The following MOXD1 variants were observed in gnomAD, a reference collection of about 807,000 sequenced individuals.
MOXD1 encodes the protein monooxygenase DBH like 1, also known as DBH-like monooxygenase protein 1.
MOXD1 carries 62 observed loss-of-function variants against 66.6 expected under a neutral mutation model. That is an observed-to-expected ratio of 0.93 (90% CI 0.76 to 1.15). The LOEUF (loss-of-function observed/expected upper bound fraction) is 1.15, where lower values mean the gene tolerates loss of function less well. Ranked by LOEUF, MOXD1 falls within the 50% of genes most tolerant of loss-of-function variation. MOXD1 has a pLI of 0.00. For missense variants in MOXD1, 847 were observed against 754.6 expected, an observed-to-expected ratio of 1.12 and a Z score of -1.44; for synonymous variants, 303 against 281.9, an observed-to-expected ratio of 1.07 and a Z score of -0.75.
At chr6:132,377,571 T>G (rs1162675706) in intron 1 of MOXD1, among the ~76,000 whole-genome samples, 15 of 152,226 alleles carry the variant, frequency 9.9e-5, no homozygotes, top group Admixed American at 9.8e-4. Context: ...TTCAGATAAC[T>G]TAGTTATTAG....
At chr6:132,380,424 A>G (rs1290688509) in intron 1 of MOXD1, among the ~76,000 whole-genome samples, 1 of 151,646 alleles carries the variant, frequency 6.6e-6, no homozygotes, top group African/African-American at 2.4e-5. Flanking sequence ...CTTCTTCCCT[A>G]TCCCCCTACT....
At chr6:132,302,380 T>C (rs919455735) in intron 10 of MOXD1, among the ~76,000 whole-genome samples, 6 of 152,130 alleles carry the variant, frequency 3.9e-5, no homozygotes, top group African/African-American at 1.2e-4. Context: ...TCAACAAGTA[T>C]GTAAATGTGA....
chr6:132,390,774 A>C (rs541889365), intron 1 of MOXD1: 2 of 151,628 alleles, frequency 1.3e-5, no homozygotes, highest in Admixed American at 6.6e-5. Flanking sequence ...CGAGAATTGC[A>C]TGAGAACACA....
At chr6:132,345,074 A>G (rs1477243707) in intron 4 of MOXD1, among the ~76,000 whole-genome samples, 1 of 152,218 alleles carries the variant, frequency 6.6e-6, no homozygotes, top group Non-Finnish European at 1.5e-5. Flanking sequence ...GGGCAATGGG[A>G]ACAAATGAGC....
At chr6:132,303,145 T>C (rs1285494064) in intron 10 of MOXD1, among the ~76,000 whole-genome samples, 2 of 152,052 alleles carry the variant, frequency 1.3e-5, no homozygotes, top group African/African-American at 4.8e-5. Flanking sequence ...TTAAGCAGGA[T>C]ATGAAAAGCA....
intron 10 of MOXD1, among the ~76,000 whole-genome samples, chr6:132,308,972 C>A (rs1774760106): frequency 6.6e-6 from 1 of 152,176 alleles, no homozygotes; most frequent in African/African-American, 2.4e-5. Context: ...GACAAGGATG[C>A]CCTCTCTCAC....
In MOXD1 at chr6:132,384,142, C is replaced by A. The variant is rs114782057; in HGVS notation, c.265-9365G>T. Among the ~76,000 whole-genome samples, 949 of 152,120 alleles carry A rather than the reference C, an allele frequency of 6.2e-3. 13 individuals carry two copies. Among genetic ancestry groups the A allele is most frequent in the African/African-American group, 0.021 (889 of 41,518 alleles). On this transcript the variant is annotated intron_variant, in intron 1 of 11. Coordinates refer to ENST00000367963, the MANE Select transcript of MOXD1 (RefSeq NM_015529.4). ...ATAAATTTTGAAGTTAAAACTAGTT[C>A]TTTCCTTTATCCTTCCCTCCCTTTC...
chr6:132,357,876 A>T (rs530941821), intron 4 of MOXD1, among the ~76,000 whole-genome samples: 105 of 152,294 alleles, frequency 6.9e-4, no homozygotes, highest in African/African-American at 2.4e-3. Context: ...TAACTGGATG[A>T]GAAAGGCAGT....
chr6:132,398,322 T>C (rs1321208144), intron 1 of MOXD1, among the ~76,000 whole-genome samples: 2 of 152,122 alleles, frequency 1.3e-5, no homozygotes, highest in African/African-American at 4.8e-5. Flanking sequence ...TAACACCCTT[T>C]TGAAAGAAGA....
At chr6:132,315,578 A>G in intron 10 of MOXD1, 57 bp downstream of exon 10, 1 of 1,530,888 alleles carries the variant, frequency 6.5e-7, no homozygotes. Flanking sequence ...GTATGACAAT[A>G]AAGCCCATCT....
At chr6:132,332,497 T>G (rs1775343044) in intron 4 of MOXD1, among the ~76,000 whole-genome samples, 1 of 152,028 alleles carries the variant, frequency 6.6e-6, no homozygotes, top group South Asian at 2.1e-4. Flanking sequence ...TCCTGAAAAA[T>G]AGAAGAATAA....
chr6:132,366,012 G>A (rs1049559677), intron 4 of MOXD1, among the ~76,000 whole-genome samples: 14 of 152,066 alleles, frequency 9.2e-5, no homozygotes, highest in Admixed American at 8.5e-4. Context: ...TAAAGGAAAA[G>A]ATTCTTGATT....
chr6:132,360,006 T>G (rs376666410), intron 4 of MOXD1, among the ~76,000 whole-genome samples: 6 of 152,226 alleles, frequency 3.9e-5, no homozygotes, highest in East Asian at 3.8e-4. Flanking sequence ...TTTGATGTAT[T>G]AGACTATGGG....
rs1554237945 is a variant in MOXD1, at chr6:132,385,501, A to ATTATTATTATTT, written c.265-10725_265-10724insAAATAATAATAA. Among the ~76,000 whole-genome samples, 329 of 125,348 alleles carry ATTATTATTATTT rather than the reference A, an allele frequency of 2.6e-3. 3 individuals carry two copies. The highest frequency in any genetic ancestry group is 9.1e-3 in the African/African-American group (309 of 33,946). The allele number at this position is 125,348 out of a possible 152,430, so 82.2% of individuals were successfully genotyped here. A position where few individuals can be genotyped will look rare whatever the true frequency, so the allele number is the denominator to read the frequency against. On this transcript the variant is annotated intron_variant, in intron 1 of 11. Coordinates refer to ENST00000367963, the MANE Select transcript of MOXD1 (RefSeq NM_015529.4). Reference sequence around the variant, plus strand: ...TATTATTATTATTATTATTATTATTAGAGACACAGTTTCACTCCATTACCC... The same window carrying ATTATTATTATTT: ...TATTATTATTATTATTATTATTATTATTATTATTATTTGAGACACAGTTTCACTCCATTACCC...
In MOXD1 at chr6:132,386,429, AAAAC is replaced by A. The variant is rs1160230418; in HGVS notation, c.265-11656_265-11653del. ...AAAACAAAACAAAACAAAACAAAAC[AAAAC>A]AAAAAAAAAAAACAAAAAAAAAACG... On this transcript the variant is annotated intron_variant, in intron 1 of 11. Transcript: ENST00000367963. Among the ~76,000 whole-genome samples the A allele has an allele frequency of 1.9e-3, 223 of 118,072 alleles. 3 individuals are homozygous for A. The highest frequency in any genetic ancestry group is 7.1e-3 in the African/African-American group (203 of 28,716). The allele number at this position is 118,072 out of a possible 152,430, so 77.5% of individuals were successfully genotyped here. A position where few individuals can be genotyped will look rare whatever the true frequency, so the allele number is the denominator to read the frequency against.
At chr6:132,379,477 G>T (rs758724028) in intron 1 of MOXD1, among the ~76,000 whole-genome samples, 8 of 152,116 alleles carry the variant, frequency 5.3e-5, no homozygotes, top group Non-Finnish European at 1.0e-4. Flanking sequence ...CATTCTCCAC[G>T]TGGAAAGCCC....
intron 1 of MOXD1, among the ~76,000 whole-genome samples, chr6:132,382,622 C>T (rs1163455215): frequency 1.3e-5 from 2 of 151,990 alleles, no homozygotes; most frequent in Admixed American, 6.6e-5. Context: ...TCAGTTGTAC[C>T]GTAGACTATT....
At chr6:132,324,197 G>A in intron 6 of MOXD1, 100 bp from the exon 7 acceptor site, 1 of 1,160,262 alleles carries the variant, frequency 8.6e-7, no homozygotes, top group African/African-American at 1.6e-5. Flanking sequence ...TTCATATTCT[G>A]TTGAAATAGG....
intron 10 of MOXD1, among the ~76,000 whole-genome samples, chr6:132,312,085 A>G (rs1456449518): frequency 1.3e-5 from 2 of 151,902 alleles, no homozygotes; most frequent in Non-Finnish European, 2.9e-5. Flanking sequence ...ATCTAAACTC[A>G]TTATCTATTT....
Sources: allele counts gnomAD v4.1 joint callset (sites outside exome capture counted in the v4.1 genomes callset), GRCh38; gene constraint gnomAD v4.1.1; transcripts MANE v1.5; gene names NCBI Gene and HGNC (gene_info 2026-07-23, HGNC 2026-07-21).